Variants in HS3ST3A1 observed in about 807,000 individuals in gnomAD.
HS3ST3A1 encodes heparan sulfate-glucosamine 3-sulfotransferase 3A1, also known as heparan sulfate glucosamine 3-O-sulfotransferase 3A1.
HS3ST3A1 carries 19 observed loss-of-function variants against 25.7 expected under a neutral mutation model. The observed-to-expected ratio is 0.74, with a 90% CI of 0.52 to 1.08. HS3ST3A1 has a LOEUF of 1.08. Ranked by LOEUF, HS3ST3A1 falls within the 50% of genes least tolerant of loss-of-function variation. The probability of loss-of-function intolerance (pLI) is 0.00; values close to 1 mark genes in which losing one functional copy is unlikely to be tolerated. For synonymous variants in HS3ST3A1, 226 were observed against 278.6 expected (o/e 0.81, Z 1.88); for missense variants, 459 against 594.3 (o/e 0.77, Z 2.37).
rs545892767 is a variant in HS3ST3A1 at position 13,573,757 on chromosome 17, G to A, written c.599+26774C>T. 3.3e-5 allele frequency among the ~76,000 whole-genome samples: 5 copies of A among 152,314 alleles called. No individual in the cohort carries two copies. The South Asian group carries it at 1.0e-3, about 32-fold the overall frequency. On this transcript the variant is annotated intron_variant, in intron 1 of 1. Coordinates refer to ENST00000284110, the MANE Select transcript of HS3ST3A1 (RefSeq NM_006042.3). Reference sequence around the variant, plus strand: ...ATATGTTGAAACTGTAATCTCCAATGTGATGGTACGAGGAGCTGGGGGCCT... The same window carrying A: ...ATATGTTGAAACTGTAATCTCCAATATGATGGTACGAGGAGCTGGGGGCCT...
At chr17:13,586,160 TCA>T (rs1268295179) in intron 1 of HS3ST3A1, among the ~76,000 whole-genome samples, 6 of 152,050 alleles carry the variant, frequency 3.9e-5, no homozygotes, top group African/African-American at 7.2e-5. Context: ...GTGTTCCTTA[TCA>T]CAGTTACAGT....
chr17:13,544,926 G>A (rs1469985100), intron 1 of HS3ST3A1, among the ~76,000 whole-genome samples: 1 of 152,212 alleles, frequency 6.6e-6, no homozygotes, highest in African/African-American at 2.4e-5. Flanking sequence ...TGCTGCATCC[G>A]TAGCTAAGGC....
At chr17:13,543,322 G>A (rs925495796) in intron 1 of HS3ST3A1, among the ~76,000 whole-genome samples, 4 of 152,060 alleles carry the variant, frequency 2.6e-5, no homozygotes, top group African/African-American at 4.8e-5. Flanking sequence ...TGATGGTGTC[G>A]GAACTGAATT....
At chr17:13,531,822 CTG>C (rs1424023094) in intron 1 of HS3ST3A1, among the ~76,000 whole-genome samples, 9 of 152,140 alleles carry the variant, frequency 5.9e-5, no homozygotes, top group African/African-American at 1.9e-4. Flanking sequence ...ACCCATGAAT[CTG>C]TGAAAAATCT....
chr17:13,577,574 A>G (rs1173717038), intron 1 of HS3ST3A1, among the ~76,000 whole-genome samples: 2 of 152,220 alleles, frequency 1.3e-5, no homozygotes, highest in African/African-American at 4.8e-5. Context: ...CAAAATTTAC[A>G]TAATCCAGGA....
At chr17:13,538,704 G>A (rs1238668317) in intron 1 of HS3ST3A1, among the ~76,000 whole-genome samples, 1 of 152,056 alleles carries the variant, frequency 6.6e-6, no homozygotes, top group African/African-American at 2.4e-5. Context: ...CTACCAATGA[G>A]GAAGTCCCAG....
chr17:13,588,850 AT>A (rs1249823319), intron 1 of HS3ST3A1, among the ~76,000 whole-genome samples: 3 of 151,886 alleles, frequency 2.0e-5, no homozygotes, highest in African/African-American at 7.3e-5. Flanking sequence ...CGCCCAGCTA[AT>A]TTTTTTGTAT....
intron 1 of HS3ST3A1, among the ~76,000 whole-genome samples, chr17:13,585,914 A>G (rs924201195): frequency 7.1e-6 from 1 of 140,742 alleles, no homozygotes; most frequent in African/African-American, 2.8e-5. Context: ...CAGTGGCGCA[A>G]TCTCGGCTCA....
At chr17:13,548,129 A>C (rs868268314) in intron 1 of HS3ST3A1, among the ~76,000 whole-genome samples, 11 of 152,246 alleles carry the variant, frequency 7.2e-5, no homozygotes, top group South Asian at 6.2e-4. Flanking sequence ...CTAAATTGTT[A>C]CAGTTACTTT....
chr17:13,521,669 G>C (rs58143027), intron 1 of HS3ST3A1, among the ~76,000 whole-genome samples: 2,666 of 152,256 alleles, frequency 0.018, 72 homozygotes, highest in African/African-American at 0.061. Context: ...TAATAGGAAA[G>C]ATGGGCCTAC....
At chr17:13,590,263 T>G (rs1908386233) in intron 1 of HS3ST3A1, among the ~76,000 whole-genome samples, 1 of 150,968 alleles carries the variant, frequency 6.6e-6, no homozygotes, top group African/African-American at 2.4e-5. Flanking sequence ...ACCAGAAATT[T>G]AAAGATGAAT....
chr17:13,593,557 G>A (rs60977333), intron 1 of HS3ST3A1, among the ~76,000 whole-genome samples: 18,499 of 152,202 alleles, frequency 0.12, 1,217 homozygotes, highest in African/African-American at 0.17. Context: ...GGGCAGGGGA[G>A]GGGAAGCTGG....
intron 1 of HS3ST3A1, 122 bp downstream of exon 1, chr17:13,600,409 C>G (rs2142402610): frequency 1.4e-6 from 2 of 1,404,652 alleles, no homozygotes; most frequent in East Asian, 2.8e-5. Context: ...CCTTGACGAC[C>G]CTTCGCCTTC....
At chr17:13,537,401 C>T (rs1338992641) in intron 1 of HS3ST3A1, among the ~76,000 whole-genome samples, 1 of 152,188 alleles carries the variant, frequency 6.6e-6, no homozygotes, top group Non-Finnish European at 1.5e-5. Context: ...GGCTGCCCTG[C>T]AATCCTTCCT....
At chr17:13,577,399 C>G (rs1006499227) in intron 1 of HS3ST3A1, among the ~76,000 whole-genome samples, 7 of 152,206 alleles carry the variant, frequency 4.6e-5, no homozygotes, top group Non-Finnish European at 1.0e-4. Context: ...TGCTTTCTGA[C>G]TGCCTCATGA....
intron 1 of HS3ST3A1, among the ~76,000 whole-genome samples, chr17:13,547,290 G>C (rs1469748939): frequency 2.0e-5 from 3 of 152,150 alleles, no homozygotes; most frequent in Non-Finnish European, 2.9e-5. Context: ...AGTAATAAGT[G>C]CCTTTTGCAA....
intron 1 of HS3ST3A1, among the ~76,000 whole-genome samples, chr17:13,572,416 G>C (rs1375149431): frequency 6.6e-6 from 1 of 152,136 alleles, no homozygotes; most frequent in African/African-American, 2.4e-5. Context: ...ACCCTATCTG[G>C]AAGGACTAGG....
At chr17:13,577,628 C>A (rs1386622148) in intron 1 of HS3ST3A1, among the ~76,000 whole-genome samples, 1 of 152,094 alleles carries the variant, frequency 6.6e-6, no homozygotes, top group African/African-American at 2.4e-5. Flanking sequence ...TGGAGGAAAC[C>A]AACAGAAATC....
At position 13,573,674 on chromosome 17, in the gene HS3ST3A1, A is replaced by T. The variant is rs574330408; in HGVS notation, c.599+26857T>A. Among the ~76,000 whole-genome samples, 2 of 152,118 alleles carry T rather than the reference A, an allele frequency of 1.3e-5. 1 individual carries two copies. Among genetic ancestry groups the T allele is most frequent in the African/African-American group, 4.8e-5 (2 of 41,426 alleles). On this transcript the variant is annotated intron_variant, in intron 1 of 1. Coordinates refer to ENST00000284110, the MANE Select transcript of HS3ST3A1 (RefSeq NM_006042.3). Reference sequence around the variant, plus strand: ...CACAATCAACATGTGACTGAGCTCAATGTTGAGTGTGAGTGTCAACAACAC... The same window carrying T: ...CACAATCAACATGTGACTGAGCTCATTGTTGAGTGTGAGTGTCAACAACAC...
Sources: allele counts gnomAD v4.1 joint callset (sites outside exome capture counted in the v4.1 genomes callset), GRCh38; gene constraint gnomAD v4.1.1; transcripts MANE v1.5; gene names NCBI Gene and HGNC (gene_info 2026-07-23, HGNC 2026-07-21).